The following PRKCH variants were observed in gnomAD, a reference collection of about 807,000 sequenced individuals.
PRKCH encodes the protein protein kinase C eta type.
Under a neutral mutation model 82.5 loss-of-function variants are expected in PRKCH, and 28 were observed. The observed-to-expected ratio is 0.34, with a 90% confidence interval of 0.25 to 0.47. The LOEUF (loss-of-function observed/expected upper bound fraction) is 0.47. PRKCH is among the 20% of genes least tolerant of loss of function. The pLI, the probability that PRKCH is intolerant of heterozygous loss-of-function variation, is 1.00. For missense variants in PRKCH, 705 were observed against 881.8 expected (o/e 0.80, Z 2.54); for synonymous variants, 322 against 327.4 (o/e 0.98, Z 0.18).
intron 12 of PRKCH, among the ~76,000 whole-genome samples, chr14:61,540,280 AAC>A (rs1291057530): frequency 1.3e-5 from 2 of 152,246 alleles, no homozygotes; most frequent in Non-Finnish European, 2.9e-5. Context: ...AACACAAGGA[AAC>A]ACACAGAGTG....
chr14:61,219,986 T>C (rs573842470), intron 1 of PRKCH, among the ~76,000 whole-genome samples: 2 of 152,326 alleles, frequency 1.3e-5, no homozygotes, highest in South Asian at 4.1e-4. Context: ...AGGCCTCTGG[T>C]ATATTCCTTT....
At chr14:61,347,591 A>C (rs1464788750) in intron 1 of PRKCH, among the ~76,000 whole-genome samples, 1 of 152,254 alleles carries the variant, frequency 6.6e-6, no homozygotes, top group Non-Finnish European at 1.5e-5. Flanking sequence ...ACTCCTAAGT[A>C]GTGGCCCGTA....
chr14:61,382,878 T>C (rs773374491), intron 1 of PRKCH, among the ~76,000 whole-genome samples: 14 of 152,252 alleles, frequency 9.2e-5, no homozygotes, highest in Non-Finnish European at 1.8e-4. Flanking sequence ...TGGTTGTAAA[T>C]TATTACCAGT....
intron 7 of PRKCH, among the ~76,000 whole-genome samples, chr14:61,454,139 C>T (rs537366324): frequency 9.4e-5 from 14 of 149,626 alleles, no homozygotes; most frequent in African/African-American, 2.0e-4. Context: ...GACAGAGTCT[C>T]GCTTTGTCAC....
At chr14:61,270,928 T>C (rs531448675) in intron 1 of PRKCH, among the ~76,000 whole-genome samples, 2 of 152,282 alleles carry the variant, frequency 1.3e-5, no homozygotes, top group African/African-American at 4.8e-5. Context: ...GAGCTGTGAT[T>C]GCATCACCGC....
intron 9 of PRKCH, among the ~76,000 whole-genome samples, chr14:61,463,901 T>C (rs1566897082): frequency 6.6e-6 from 1 of 152,262 alleles, no homozygotes; most frequent in Non-Finnish European, 1.5e-5. Flanking sequence ...ACAGGATGTC[T>C]TTCTTTTTAA....
chr14:61,205,256 G>T (rs2044513413), intron 1 of PRKCH, among the ~76,000 whole-genome samples: 2 of 152,172 alleles, frequency 1.3e-5, no homozygotes, highest in Non-Finnish European at 1.5e-5. Context: ...TGTTTAAAGA[G>T]CCCATGGGTT....
intron 10 of PRKCH, among the ~76,000 whole-genome samples, chr14:61,523,093 A>G (rs1260368332): frequency 6.6e-6 from 1 of 152,192 alleles, no homozygotes; most frequent in Non-Finnish European, 1.5e-5. Flanking sequence ...CTCACTTGGC[A>G]GATGCCCCCT....
intron 10 of PRKCH, among the ~76,000 whole-genome samples, chr14:61,494,429 T>C (rs1478584976): frequency 6.6e-6 from 1 of 152,252 alleles, no homozygotes; most frequent in African/African-American, 2.4e-5. Context: ...TGTGTGACGC[T>C]ACATATATTC....
chr14:61,479,222 C>T (rs570581106), intron 9 of PRKCH, among the ~76,000 whole-genome samples: 10 of 152,330 alleles, frequency 6.6e-5, no homozygotes, highest in South Asian at 4.1e-4. Flanking sequence ...GCATTTCCCA[C>T]GTTTACACTG....
intron 1 of PRKCH, among the ~76,000 whole-genome samples, chr14:61,334,029 G>A (rs1042257458): frequency 6.6e-6 from 1 of 152,154 alleles, no homozygotes; most frequent in African/African-American, 2.4e-5. Context: ...ACAACCCGAT[G>A]TTGGTGGAAA....
intron 9 of PRKCH, among the ~76,000 whole-genome samples, chr14:61,472,046 A>G (rs1885528672): frequency 6.6e-6 from 1 of 152,176 alleles, no homozygotes; most frequent in Admixed American, 6.5e-5. Flanking sequence ...TGGTGCCTGC[A>G]CTGACAGTGG....
At chr14:61,252,264 A>T (rs935877680) in intron 1 of PRKCH, among the ~76,000 whole-genome samples, 18 of 152,154 alleles carry the variant, frequency 1.2e-4, no homozygotes, top group Non-Finnish European at 8.8e-5. Context: ...GGGCAGCATG[A>T]TTCCTCGTTG....
intron 9 of PRKCH, among the ~76,000 whole-genome samples, chr14:61,462,264 C>T (rs1395953332): frequency 6.6e-6 from 1 of 152,156 alleles, no homozygotes; most frequent in Non-Finnish European, 1.5e-5. Flanking sequence ...GTGGTGCATG[C>T]CTGCAATTCC....
At position 61,223,525 on chromosome 14, in the gene PRKCH, A is replaced by G. The variant is rs77605741; in HGVS notation, c.-19+35857A>G. Among the ~76,000 whole-genome samples the G allele has an allele frequency of 4.2e-3, 632 of 152,278 alleles. 4 individuals are homozygous for G. The highest frequency in any genetic ancestry group is 0.015 in the African/African-American group (604 of 41,542). ...GCTCCTACCATTTGGCTTAAGGTCA[A>G]CTTCTCTCTAACCCCTGCCCTCCTC... On this transcript the variant is annotated intron_variant, in intron 1 of 3. Transcript: ENST00000555185.
intron 1 of PRKCH, among the ~76,000 whole-genome samples, chr14:61,291,521 G>T (rs1218471922): frequency 6.6e-6 from 1 of 152,018 alleles, no homozygotes; most frequent in Non-Finnish European, 1.5e-5. Flanking sequence ...GTAGAGACGA[G>T]GTTTCACCAT....
chr14:61,479,096 T>A (rs1885854906), intron 9 of PRKCH, among the ~76,000 whole-genome samples: 1 of 152,134 alleles, frequency 6.6e-6, no homozygotes, highest in African/African-American at 2.4e-5. Flanking sequence ...CTTGGCTCAC[T>A]CACCCTCCCT....
At chr14:61,503,810 G>T (rs1185708184) in intron 10 of PRKCH, among the ~76,000 whole-genome samples, 1 of 152,178 alleles carries the variant, frequency 6.6e-6, no homozygotes, top group South Asian at 2.1e-4. Context: ...AGGTAGAGTC[G>T]AGGGCTTACC....
At chr14:61,274,994 C>A (rs183851113) in intron 1 of PRKCH, among the ~76,000 whole-genome samples, 1 of 152,240 alleles carries the variant, frequency 6.6e-6, no homozygotes, top group African/African-American at 2.4e-5. Flanking sequence ...TCCTTCAAGA[C>A]CTGTAGGAAA....
Sources: allele counts gnomAD v4.1 joint callset (sites outside exome capture counted in the v4.1 genomes callset), GRCh38; gene constraint gnomAD v4.1.1; transcripts MANE v1.5; gene names NCBI Gene and HGNC (gene_info 2026-07-23, HGNC 2026-07-21).